PCDH7: variants seen among roughly 807,000 people sequenced by gnomAD.
The protein encoded by PCDH7 is protocadherin-7.
In PCDH7, 17 loss-of-function variants were observed where a neutral mutation model predicts 58.9. The ratio of observed to expected loss-of-function variants is 0.29; its 90% CI spans 0.20 to 0.43. PCDH7 has a LOEUF of 0.43. Among genes scored for constraint, PCDH7 ranks in the 20% least tolerant of loss-of-function variants. PCDH7 has a pLI of 1.00. For synonymous variants in PCDH7, 664 were observed against 616.4 expected, an observed-to-expected ratio of 1.08 and a Z score of -1.14; for missense variants, 1,274 against 1,441.0, an observed-to-expected ratio of 0.88 and a Z score of 1.88.
In PCDH7 at chr4:30,721,672, C is replaced by A. The variant is rs1305504867; in HGVS notation, c.250C>A (p.Leu84Met). Residue 84 changes from leucine (L) to methionine (M), a missense_variant, in exon 1 of 2, where the codon CTG becomes ATG. Transcript: ENST00000361762. The surrounding 1 kb of genome is among the most constrained non-coding windows in gnomAD (Gnocchi z 6.7). ...GAAGATCGACAACCTCACTGGCGAG[C>A]TGAGCACGAGCGAGCGGCGCATCGA... is the stretch of plus-strand genomic sequence containing the variant. 3.7e-6 allele frequency: 6 copies of A among 1,613,894 alleles called. No homozygotes were observed. The highest frequency in any genetic ancestry group is 4.2e-6 in the Non-Finnish European group (5 of 1,180,026).
intron 1 of PCDH7, among the ~76,000 whole-genome samples, chr4:30,904,834 G>C (rs547183091): frequency 6.6e-6 from 1 of 152,222 alleles, no homozygotes; most frequent in East Asian, 1.9e-4. Flanking sequence ...GCCAAAGTCA[G>C]GTTTCAGTTC....
chr4:30,946,727 T>TGTGTGTGTGA (rs1048658000), intron 2 of PCDH7, among the ~76,000 whole-genome samples: 1 of 150,104 alleles, frequency 6.7e-6, no homozygotes, highest in Middle Eastern at 3.4e-3. Flanking sequence ...TGTGTGTGTG[T>TGTGTGTGTGA]GACAGAGTCC....
At chr4:31,105,897 C>T (rs1473435023) in intron 3 of PCDH7, among the ~76,000 whole-genome samples, 1 of 151,834 alleles carries the variant, frequency 6.6e-6, no homozygotes, top group African/African-American at 2.4e-5. Flanking sequence ...GTCCCAGCTG[C>T]TCGGGACGCT....
chr4:31,110,821 A>G (rs1232959564), intron 3 of PCDH7, among the ~76,000 whole-genome samples: 2 of 151,944 alleles, frequency 1.3e-5, no homozygotes, highest in African/African-American at 4.8e-5. Flanking sequence ...AGGCTGAGGC[A>G]GGAGAATGGT....
chr4:30,959,174 G>A (rs1748146866), intron 3 of PCDH7, among the ~76,000 whole-genome samples: 1 of 151,776 alleles, frequency 6.6e-6, no homozygotes, highest in Non-Finnish European at 1.5e-5. Flanking sequence ...ATTCACTGAT[G>A]AGAATGACTG....
chr4:30,904,551 A>T (rs1740665563), intron 1 of PCDH7, among the ~76,000 whole-genome samples: 1 of 152,230 alleles, frequency 6.6e-6, no homozygotes, highest in Admixed American at 6.5e-5. Context: ...TCCCCTTTGC[A>T]TGTGAAACAT....
Position 30,968,376 on chromosome 4 carries a change from C to CTATATATATATATATATA in PCDH7, c.*7+18183_*7+18200dup, listed in dbSNP as rs60085619. Among the ~76,000 whole-genome samples, 92 of 67,008 alleles carry CTATATATATATATATATA rather than the reference C, an allele frequency of 1.4e-3. 5 individuals are homozygous for CTATATATATATATATATA. Among genetic ancestry groups the CTATATATATATATATATA allele is most frequent in the East Asian group, 4.4e-3 (9 of 2,060 alleles). The allele number at this position is 67,008 out of a possible 152,430, so 44.0% of individuals were successfully genotyped here. A position where few individuals can be genotyped will look rare whatever the true frequency, so the allele number is the denominator to read the frequency against. ...TACACACACTATATATATACACACA[C>CTATATATATATATATATA]TATATATATATATATATATATATAT... is the stretch of plus-strand genomic sequence containing the variant. On this transcript the variant is annotated intron_variant, in intron 3 of 3. Transcript: ENST00000509759.
intron 2 of PCDH7, among the ~76,000 whole-genome samples, chr4:30,942,185 G>A (rs943698551): frequency 4.6e-5 from 7 of 151,712 alleles, no homozygotes; most frequent in East Asian, 1.9e-4. Context: ...ATGAATATTC[G>A]AATCAAGGAT....
intron 1 of PCDH7, among the ~76,000 whole-genome samples, chr4:30,899,876 A>G (rs1371696924): frequency 6.6e-6 from 1 of 152,172 alleles, no homozygotes; most frequent in African/African-American, 2.4e-5. Context: ...ATCACCTGCT[A>G]TAAGCAACAT....
intron 3 of PCDH7, among the ~76,000 whole-genome samples, chr4:31,036,246 T>A (rs1380558471): frequency 6.6e-6 from 1 of 152,112 alleles, no homozygotes; most frequent in East Asian, 1.9e-4. Context: ...AGTGCAGTGG[T>A]GCAATCTCAG....
At chr4:30,898,323 G>A (rs1193649630) in intron 1 of PCDH7, among the ~76,000 whole-genome samples, 1 of 152,090 alleles carries the variant, frequency 6.6e-6, no homozygotes, top group Non-Finnish European at 1.5e-5. Context: ...CAGAGCCTTA[G>A]TTTATTCTTC....
intron 3 of PCDH7, among the ~76,000 whole-genome samples, chr4:31,140,936 G>A (rs1040796519): frequency 7.9e-5 from 12 of 152,252 alleles, no homozygotes; most frequent in Admixed American, 2.0e-4. Flanking sequence ...CTAGATTTCC[G>A]GTGTAGAACA....
chr4:30,788,182 A>T (rs942830768), intron 1 of PCDH7, among the ~76,000 whole-genome samples: 5 of 152,122 alleles, frequency 3.3e-5, no homozygotes, highest in African/African-American at 1.2e-4. Flanking sequence ...AATTCTACCA[A>T]TAAGTTACAT....
chr4:31,019,790 G>A (rs73113475), intron 3 of PCDH7, among the ~76,000 whole-genome samples: 14,690 of 151,876 alleles, frequency 0.097, 1,885 homozygotes, highest in African/African-American at 0.29. Context: ...GTACAGACAC[G>A]CACATGCACA....
chr4:30,843,186 G>C, intron 1 of PCDH7, among the ~76,000 whole-genome samples: 2 of 150,528 alleles, frequency 1.3e-5, no homozygotes, highest in Middle Eastern at 3.5e-3. Flanking sequence ...TCCATCTTTC[G>C]AATATAGAAC....
chr4:31,116,644 G>A (rs1054365438), intron 3 of PCDH7, among the ~76,000 whole-genome samples: 4 of 152,132 alleles, frequency 2.6e-5, no homozygotes, highest in Admixed American at 6.5e-5. Flanking sequence ...GGTCTCAAAT[G>A]CAAGTTGAAT....
intron 3 of PCDH7, among the ~76,000 whole-genome samples, chr4:31,119,849 C>T (rs998486561): frequency 2.0e-5 from 3 of 152,104 alleles, no homozygotes; most frequent in South Asian, 4.2e-4. Flanking sequence ...AGGTCTTACG[C>T]CAGTTAAATT....
rs137965585 is a variant in PCDH7, at chr4:30,754,161, G to GGTGTGTGTGT, written c.70+29584_70+29593dup. Among the ~76,000 whole-genome samples, 360 of 138,664 alleles carry GGTGTGTGTGT rather than the reference G, an allele frequency of 2.6e-3. 3 individuals are homozygous for GGTGTGTGTGT. The highest frequency in any genetic ancestry group is 0.011 in the African/African-American group (344 of 32,514). 91.0% of individuals were successfully genotyped at this position (138,664 alleles called of 152,430 possible). On this transcript the variant is annotated intron_variant, in intron 1 of 3. Transcript: ENST00000509759. ...CTGTCAAGATTTGCTGCAAACACTA[G>GGTGTGTGTGT]GTGTGTGTGTGTGTGTGTGTGTGTG...
intron 1 of PCDH7, among the ~76,000 whole-genome samples, chr4:30,896,455 A>C (rs1039766566): frequency 1.8e-4 from 27 of 152,176 alleles, no homozygotes; most frequent in African/African-American, 6.3e-4. Flanking sequence ...ACCATAAAAA[A>C]TTGCATTTTT....
Sources: gnomAD v4.1 joint callset for allele counts (sites outside exome capture counted in the v4.1 genomes callset) on GRCh38, gnomAD v4.1.1 for gene constraint, Gnocchi (gnomAD v3.1) non-coding constraint, MANE v1.5 for transcripts, NCBI Gene and HGNC (gene_info 2026-07-23, HGNC 2026-07-21) for gene names.